IFNGR2: variants seen among roughly 807,000 people sequenced by gnomAD.
IFNGR2 encodes IFN-gamma receptor 2.
Under a neutral mutation model 41.1 loss-of-function variants are expected in IFNGR2, and 15 were observed. The observed-to-expected ratio is 0.37, with a 90% CI of 0.24 to 0.56. The LOEUF (loss-of-function observed/expected upper bound fraction) is 0.56, where lower values mean the gene tolerates loss of function less well. Ranked by LOEUF, IFNGR2 falls within the 20% of genes least tolerant of loss-of-function variation. The probability of loss-of-function intolerance (pLI) is 0.81; values close to 1 mark genes in which losing one functional copy is unlikely to be tolerated. For synonymous variants in IFNGR2, 161 were observed against 171.6 expected (o/e 0.94, Z 0.48); for missense variants, 362 against 415.7 (o/e 0.87, Z 1.12).
At chr21:33,409,288 T>C (rs988056513) in intron 1 of IFNGR2, among the ~76,000 whole-genome samples, 1 of 150,208 alleles carries the variant, frequency 6.7e-6, no homozygotes, top group Non-Finnish European at 1.5e-5. Context: ...CTAATAATGG[T>C]GAAACCTCGT....
chr21:33,415,684 T>C (rs2083748748), intron 2 of IFNGR2, among the ~76,000 whole-genome samples: 1 of 152,244 alleles, frequency 6.6e-6, no homozygotes, highest in Non-Finnish European at 1.5e-5. Context: ...TGTAAAGACA[T>C]GATGATGTCC....
At chr21:33,432,541 C>A in intron 5 of IFNGR2, 173 bp from the exon 6 acceptor site, 1 of 869,896 alleles carries the variant, frequency 1.1e-6, no homozygotes, top group Non-Finnish European at 1.9e-6. Flanking sequence ...TATTTCATTA[C>A]AGGATTGACT....
At chr21:33,425,318 A>T (rs964920855) in intron 3 of IFNGR2, among the ~76,000 whole-genome samples, 19 of 152,130 alleles carry the variant, frequency 1.2e-4, no homozygotes, top group African/African-American at 4.6e-4. Flanking sequence ...TGTTCCCTAG[A>T]GCCAGCCTTC....
rs765881972 is a variant in IFNGR2 at position 33,432,699 on chromosome 21, G to A, written c.722-15G>A. The stretch of plus-strand genomic sequence containing the variant: ...TAGGAAGATCATTCTGTTCACTTTC[G>A]TGTCCTCTTTTTAGCCTCCACTGAG... On this transcript the variant is annotated splice_polypyrimidine_tract_variant and intron_variant, in intron 5 of 6. Coordinates refer to ENST00000290219, the MANE Select transcript of IFNGR2 (RefSeq NM_005534.4). The A allele has an allele frequency of 1.3e-5, 21 of 1,613,574 alleles. No individual in the cohort carries two copies. Among genetic ancestry groups the A allele is most frequent in the Non-Finnish European group, 1.7e-5 (20 of 1,179,712 alleles).
chr21:33,418,952 A>G (rs1456023105), intron 2 of IFNGR2, among the ~76,000 whole-genome samples: 1 of 152,052 alleles, frequency 6.6e-6, no homozygotes, highest in African/African-American at 2.4e-5. Flanking sequence ...CTTCTCAAAC[A>G]TTTGTTTTTC....
intron 6 of IFNGR2, among the ~76,000 whole-genome samples, chr21:33,435,060 T>G (rs2083931513): frequency 6.6e-6 from 1 of 152,210 alleles, no homozygotes; most frequent in Admixed American, 6.5e-5. Flanking sequence ...TGTTCCTCTT[T>G]CAGTCAGTCA....
In IFNGR2 at chr21:33,432,283, T is replaced by C. The variant is rs764922061; in HGVS notation, c.668T>C (p.Ile223Thr). 10 of 1,613,990 alleles carry C rather than the reference T, an allele frequency of 6.2e-6. No homozygotes were observed. Among genetic ancestry groups the C allele is most frequent in the Non-Finnish European group, 8.5e-6 (10 of 1,179,956 alleles). Residue 223 changes from isoleucine to threonine, a missense_variant, in exon 5 of 7, where the codon ATC becomes ACC. By Grantham distance (89) the Ile-to-Thr change is moderately conservative. Transcript: ENST00000290219. ...QAQLLWNKSN[I>T]FRVGHLSNIS... ...CAACTGCTTTGGAACAAAAGTAACA[T>C]CTTTAGAGTCGGGCATTTAAGCAAC...
At chr21:33,420,318 G>A (rs558582880) in intron 2 of IFNGR2, among the ~76,000 whole-genome samples, 10 of 152,242 alleles carry the variant, frequency 6.6e-5, no homozygotes, top group Admixed American at 2.6e-4. Flanking sequence ...GATACTGTCC[G>A]CTGCCCCTAC....
intron 1 of IFNGR2, among the ~76,000 whole-genome samples, chr21:33,405,401 A>G (rs2083670767): frequency 6.6e-6 from 1 of 152,234 alleles, no homozygotes; most frequent in South Asian, 2.1e-4. Flanking sequence ...GGAGTCAGAC[A>G]GATGGGTTCA....
chr21:33,414,614 C>T (rs1168716571), intron 1 of IFNGR2, among the ~76,000 whole-genome samples: 1 of 152,178 alleles, frequency 6.6e-6, no homozygotes. Context: ...CTCCAGGGCC[C>T]AGGACCTGTT....
chr21:33,417,998 A>G (rs561553195), intron 2 of IFNGR2, among the ~76,000 whole-genome samples: 289 of 151,424 alleles, frequency 1.9e-3, no homozygotes, highest in African/African-American at 6.6e-3. Context: ...TTTCTCAGGG[A>G]TAAAGGTTGG....
chr21:33,422,439 A>G (rs940482141), intron 3 of IFNGR2, among the ~76,000 whole-genome samples: 1 of 152,176 alleles, frequency 6.6e-6, no homozygotes, highest in Non-Finnish European at 1.5e-5. Context: ...TAGATATTTG[A>G]TATATAATGA....
intron 4 of IFNGR2, among the ~76,000 whole-genome samples, chr21:33,427,706 T>C (rs2083850422): frequency 6.6e-6 from 1 of 152,174 alleles, no homozygotes; most frequent in African/African-American, 2.4e-5. Context: ...TTTAAGGAGG[T>C]TCTGTTATCT....
intron 1 of IFNGR2, chr21:33,411,383 A>G (rs2123333860): frequency 4.3e-6 from 2 of 467,618 alleles, no homozygotes; most frequent in Middle Eastern, 7.1e-4. Flanking sequence ...AGACTGGGGA[A>G]CTAGAGGTGC....
intron 2 of IFNGR2, among the ~76,000 whole-genome samples, chr21:33,420,170 T>C (rs1224748799): frequency 6.6e-6 from 1 of 152,156 alleles, no homozygotes; most frequent in African/African-American, 2.4e-5. Flanking sequence ...AAGATGCATC[T>C]TGGAGAGGGT....
chr21:33,436,735 AT>A (rs2083956645), intron 6 of IFNGR2, 92 bp from the exon 7 acceptor site: 17 of 1,029,276 alleles, frequency 1.7e-5, no homozygotes, highest in African/African-American at 1.1e-4. Context: ...AAAAATAAAA[AT>A]AAAAATAAAA....
At chr21:33,427,769 A>G (rs971966549) in intron 4 of IFNGR2, among the ~76,000 whole-genome samples, 1 of 152,122 alleles carries the variant, frequency 6.6e-6, no homozygotes, top group Non-Finnish European at 1.5e-5. Context: ...TTTGATAATA[A>G]GAGCTTACAT....
At chr21:33,404,109 C>T (rs2083660832) in intron 1 of IFNGR2, among the ~76,000 whole-genome samples, 1 of 152,278 alleles carries the variant, frequency 6.6e-6, no homozygotes, top group Admixed American at 6.5e-5. Context: ...TCCAGGGCTC[C>T]GGCGGGGGCC....
chr21:33,416,598 G>A (rs1390113423), intron 2 of IFNGR2, among the ~76,000 whole-genome samples: 7 of 152,038 alleles, frequency 4.6e-5, no homozygotes, highest in Admixed American at 2.0e-4. Context: ...CAAGACGGGC[G>A]GATCACGCGG....
Sources: allele counts gnomAD v4.1 joint callset (sites outside exome capture counted in the v4.1 genomes callset), GRCh38; gene constraint gnomAD v4.1.1; transcripts MANE v1.5; gene names NCBI Gene and HGNC (gene_info 2026-07-23, HGNC 2026-07-21).